Variants in RALGAPB observed in about 807,000 individuals in gnomAD.
The protein encoded by RALGAPB is Ral GTPase activating protein non-catalytic subunit beta, also known as ral GTPase-activating protein subunit beta.
Under a neutral mutation model 161.1 loss-of-function variants are expected in RALGAPB, and 25 were observed. That is an observed-to-expected ratio of 0.16 (90% CI 0.11 to 0.22). The LOEUF (loss-of-function observed/expected upper bound fraction) is 0.22. RALGAPB is among the 10% of genes least tolerant of loss of function. The pLI, the probability that RALGAPB is intolerant of heterozygous loss-of-function variation, is 1.00. For missense variants in RALGAPB, 1,391 were observed against 1,815.2 expected (o/e 0.77, Z 4.25); for synonymous variants, 629 against 626.1 (o/e 1.00, Z -0.07).
intron 9 of RALGAPB, among the ~76,000 whole-genome samples, chr20:38,519,384 C>A (rs2086223965): frequency 6.6e-6 from 1 of 151,868 alleles, no homozygotes; most frequent in Non-Finnish European, 1.5e-5. Context: ...TGAATCAGTC[C>A]TATTTTTCTT....
chr20:38,500,382 T>A (rs2085550541), intron 5 of RALGAPB, among the ~76,000 whole-genome samples: 1 of 152,168 alleles, frequency 6.6e-6, no homozygotes, highest in African/African-American at 2.4e-5. Flanking sequence ...ACTTTTACTG[T>A]TATGGTGACC....
In RALGAPB at chr20:38,575,122, A is replaced by T. The variant is rs1479285855; in HGVS notation, c.*155A>T. The T allele has an allele frequency of 4.5e-6, 3 of 669,892 alleles. No individual in the cohort carries two copies. Among genetic ancestry groups the T allele is most frequent in the Non-Finnish European group, 7.5e-6 (3 of 402,484 alleles). The allele number at this position is 669,892 out of a possible 1,614,324, so 41.5% of individuals were successfully genotyped here. Reference sequence around the variant, plus strand: ...GAAGAAACACATTATAACCCATTTGATAGAAGACTTTGGGCTATCTAGTGA... The same window carrying T: ...GAAGAAACACATTATAACCCATTTGTTAGAAGACTTTGGGCTATCTAGTGA... On this transcript the variant is annotated 3_prime_UTR_variant, in exon 30 of 30. Coordinates refer to ENST00000262879, the MANE Select transcript of RALGAPB (RefSeq NM_020336.4).
At chr20:38,570,660 C>T in intron 27 of RALGAPB, 109 bp from the exon 28 acceptor site, 1 of 653,506 alleles carries the variant, frequency 1.5e-6, no homozygotes, top group Non-Finnish European at 2.7e-6. Context: ...ACAGCACAGT[C>T]CATATATTTG....
Position 38,540,703 on chromosome 20 carries a change from G to A in RALGAPB, c.2563-338G>A, listed in dbSNP as rs369372241. Among the ~76,000 whole-genome samples, 223 of 152,178 alleles carry A rather than the reference G, an allele frequency of 1.5e-3. 1 individual carries two copies. The highest frequency in any genetic ancestry group is 8.5e-3 in the South Asian group (41 of 4,806). Reference sequence around the variant, plus strand: ...GTCCAGAGATGGTGTCTGTCTCTCTGTGGTTACACTATCCCAAGCTTAACT... The same window carrying A: ...GTCCAGAGATGGTGTCTGTCTCTCTATGGTTACACTATCCCAAGCTTAACT... On this transcript the variant is annotated intron_variant, in intron 17 of 29. Transcript: ENST00000262879.
At chr20:38,559,150 C>G (rs1487267642) in intron 23 of RALGAPB, among the ~76,000 whole-genome samples, 1 of 152,110 alleles carries the variant, frequency 6.6e-6, no homozygotes, top group African/African-American at 2.4e-5. Flanking sequence ...TTCAGATTCA[C>G]AAGACAAAAG....
In RALGAPB at chr20:38,575,525, G is replaced by T. The variant is rs939161937; in HGVS notation, c.*558G>T. On this transcript the variant is annotated 3_prime_UTR_variant, in exon 30 of 30. Transcript: ENST00000262879. Reference sequence around the variant, plus strand: ...AAAGATGATACATGTTTTTTGCTCAGATAAGAAGCCTGACATTAAAAGATG... The same window carrying T: ...AAAGATGATACATGTTTTTTGCTCATATAAGAAGCCTGACATTAAAAGATG... 2 of 153,260 alleles carry T rather than the reference G, an allele frequency of 1.3e-5. No individual in the cohort carries two copies. Among genetic ancestry groups the T allele is most frequent in the Admixed American group, 1.3e-4 (2 of 15,432 alleles). 9.5% of individuals were successfully genotyped at this position (153,260 alleles called of 1,614,324 possible).
chr20:38,498,585 G>T (rs1414295431), intron 4 of RALGAPB, among the ~76,000 whole-genome samples: 2 of 152,188 alleles, frequency 1.3e-5, no homozygotes, highest in African/African-American at 4.8e-5. Flanking sequence ...CCATGCCAGG[G>T]GTCTCAACAG....
intron 17 of RALGAPB, 127 bp from the exon 18 acceptor site, chr20:38,540,914 A>C (rs1338336723): frequency 1.0e-6 from 1 of 959,248 alleles, no homozygotes; most frequent in Non-Finnish European, 1.5e-6. Context: ...TATATCCATT[A>C]AAGAAATTAC....
intron 22 of RALGAPB, among the ~76,000 whole-genome samples, chr20:38,557,991 G>T (rs12106146): frequency 0.073 from 11,124 of 151,944 alleles, 1,419 homozygotes; most frequent in African/African-American, 0.25. Context: ...TCACCAGTAA[G>T]GAATGAGAAA....
At chr20:38,552,575 C>A (rs1177051499) in intron 21 of RALGAPB, among the ~76,000 whole-genome samples, 2 of 152,020 alleles carry the variant, frequency 1.3e-5, no homozygotes, top group East Asian at 1.9e-4. Context: ...GTGGGACTTA[C>A]AAGTAATAGA....
intron 12 of RALGAPB, 131 bp from the exon 13 acceptor site, chr20:38,525,764 T>C (rs904646386): frequency 1.0e-6 from 1 of 967,976 alleles, no homozygotes; most frequent in Non-Finnish European, 1.5e-6. Context: ...TAGTGACAGA[T>C]TCAGCACAGT....
intron 6 of RALGAPB, among the ~76,000 whole-genome samples, chr20:38,511,940 C>T (rs540667602): frequency 2.3e-4 from 35 of 152,000 alleles, no homozygotes; most frequent in Admixed American, 6.6e-4. Context: ...CCAGACAGGG[C>T]GGCGGCCGGG....
rs745875032 is a variant in RALGAPB, at chr20:38,570,823, C to T, written c.4118C>T (p.Thr1373Ile). The change falls in exon 28 of 30, where the codon ACT becomes ATT. Residue 1373 changes from threonine (T) to isoleucine (I), a missense_variant. Transcript: ENST00000262879. ...MTEISTGVET[T>I]ANSSTSLRST... ...GAGATCAGTACTGGTGTGGAAACTA[C>T]TGCAAATAGTAGCACTTCACTGAGG... 1.2e-6 allele frequency: 2 copies of T among 1,608,528 alleles called. No homozygotes were observed. The highest frequency in any genetic ancestry group is 1.7e-6 in the Non-Finnish European group (2 of 1,175,712).
chr20:38,548,990 G>A (rs559676174), intron 20 of RALGAPB, among the ~76,000 whole-genome samples, 195 bp downstream of exon 20: 1 of 152,288 alleles, frequency 6.6e-6, no homozygotes, highest in Admixed American at 6.5e-5. Flanking sequence ...ACATGTTCAA[G>A]GCAGGTGTCT....
chr20:38,542,466 G>A (rs892923410), intron 18 of RALGAPB, among the ~76,000 whole-genome samples: 6 of 152,058 alleles, frequency 3.9e-5, no homozygotes, highest in African/African-American at 1.5e-4. Context: ...TGACTTGATG[G>A]AGGTTTGGCT....
chr20:38,473,931 C>G (rs1035630250), intron 1 of RALGAPB, among the ~76,000 whole-genome samples: 4 of 152,170 alleles, frequency 2.6e-5, no homozygotes. Flanking sequence ...AAAAGCATCT[C>G]TCTTTCTCCA....
In RALGAPB at chr20:38,504,818, T is replaced by C. The variant is rs141575654; in HGVS notation, c.741-4259T>C. Among the ~76,000 whole-genome samples the C allele has an allele frequency of 8.2e-3, 1,250 of 152,158 alleles. 5 individuals are homozygous for C. Among genetic ancestry groups the C allele is most frequent in the Non-Finnish European group, 0.012 (848 of 67,996 alleles). On this transcript the variant is annotated intron_variant, in intron 5 of 29. Transcript: ENST00000262879. ...GACATATAAGTGGCCAAGAAACATA[T>C]GAAAAAATGCTCCACATTACTAATC...
intron 1 of RALGAPB, among the ~76,000 whole-genome samples, chr20:38,473,953 C>T (rs1332584628): frequency 6.6e-6 from 1 of 152,158 alleles, no homozygotes; most frequent in East Asian, 1.9e-4. Flanking sequence ...CTTAAGTGTG[C>T]AGGAGAATTG....
intron 15 of RALGAPB, 39 bp downstream of exon 15, chr20:38,532,898 A>G (rs756722158): frequency 6.3e-7 from 1 of 1,586,318 alleles, no homozygotes; most frequent in South Asian, 1.1e-5. Context: ...GTTTAATAGA[A>G]TGACTTTAAT....
Sources: gnomAD v4.1 joint callset for allele counts (sites outside exome capture counted in the v4.1 genomes callset) on GRCh38, gnomAD v4.1.1 for gene constraint, MANE v1.5 for transcripts, NCBI Gene and HGNC (gene_info 2026-07-23, HGNC 2026-07-21) for gene names.